The following MMD2 variants were observed in gnomAD, a reference collection of about 807,000 sequenced individuals.
MMD2 encodes the protein monocyte to macrophage differentiation associated 2, also known as monocyte to macrophage differentiation factor 2.
A neutral mutation model predicts 33.5 loss-of-function variants in MMD2; 30 were observed. That is an observed-to-expected ratio of 0.90 (90% CI 0.67 to 1.22). The LOEUF is 1.22. MMD2 is among the 50% of genes most tolerant of loss of function. The pLI is 0.00. For missense variants in MMD2, 364 were observed against 325.4 expected (o/e 1.12, Z -0.91); for synonymous variants, 129 against 123.0 (o/e 1.05, Z -0.32).
At chr7:4,917,912 A>T (rs1289345202) in intron 3 of MMD2, among the ~76,000 whole-genome samples, 1 of 152,126 alleles carries the variant, frequency 6.6e-6, no homozygotes, top group Non-Finnish European at 1.5e-5. Context: ...AACAAATAGG[A>T]CATTGCAGAA....
chr7:4,920,177 T>C lies in MMD2; in HGVS notation c.284A>G (p.His95Arg). 1 of 1,560,926 alleles carries C rather than the reference T, an allele frequency of 6.4e-7. No homozygotes were observed. Among genetic ancestry groups the C allele is most frequent in the Non-Finnish European group, 8.7e-7 (1 of 1,152,946 alleles). ...VFHTISWKKS[H>R]LRMVEHCLHM... is the part of the protein sequence containing the mutation. ...CCCTCTGGGCGGGAGGCACCTGAGG[T>C]GGCTCTTCTTCCAGGAGATGGTGTG... is the stretch of plus-strand genomic sequence containing the variant. The change falls in exon 3 of 7, where the codon CAC becomes CGC. Residue 95 changes from histidine (H) to arginine (R), a missense_variant. Physicochemically the swap from His to Arg is conservative, Grantham distance 29 (BLOSUM62 0). Coordinates refer to ENST00000401401, the MANE Select transcript of MMD2 (RefSeq NM_198403.4).
intron 3 of MMD2, among the ~76,000 whole-genome samples, chr7:4,918,992 G>C (rs747127863): frequency 4.6e-5 from 7 of 151,852 alleles, no homozygotes; most frequent in African/African-American, 7.3e-5. Context: ...CCAGCTACTC[G>C]GGAGGCTGAG....
rs1012550944 is a variant in MMD2, at chr7:4,959,112, C to T, written c.-95G>A. 2.1e-4 allele frequency: 222 copies of T among 1,057,004 alleles called. No homozygotes were observed. Among genetic ancestry groups the T allele is most frequent in the Non-Finnish European group, 2.6e-4 (215 of 825,432 alleles). The allele number at this position is 1,057,004 out of a possible 1,614,324, so 65.5% of individuals were successfully genotyped here. A position where few individuals can be genotyped will look rare whatever the true frequency, so the allele number is the denominator to read the frequency against. On this transcript the variant is annotated 5_prime_UTR_variant, in exon 1 of 7. Transcript: ENST00000401401. ...GCGGCGGCAGCAGCAGGTTGGAGGG[C>T]GCGCGGCGGGGGCCAAGGGGACCTG...
At chr7:4,896,406 G>C in the MMD2 span, among the ~76,000 whole-genome samples, 1 of 152,154 alleles carries the variant, frequency 6.6e-6, no homozygotes, top group Admixed American at 6.6e-5. Flanking sequence ...CTTAAACCTG[G>C]GAGGCAGAAG....
intron 1 of MMD2, among the ~76,000 whole-genome samples, chr7:4,945,554 C>T (rs1786051701): frequency 6.6e-6 from 1 of 151,506 alleles, no homozygotes; most frequent in Non-Finnish European, 1.5e-5. Flanking sequence ...GCATGAGCCG[C>T]CTCACCCAGC....
intron 1 of MMD2, among the ~76,000 whole-genome samples, chr7:4,945,185 T>TTTCTTCTTCTTCCTCTTCTTCTTC (rs1250418488): frequency 4.3e-5 from 4 of 93,540 alleles, no homozygotes; most frequent in South Asian, 5.2e-4. Flanking sequence ...CCTCTTCCTC[T>TTTCTTCTTCTTCCTCTTCTTCTTC]TTCTTCTTCT....
chr7:4,942,277 G>A (rs759372896), intron 1 of MMD2, among the ~76,000 whole-genome samples: 15 of 146,612 alleles, frequency 1.0e-4, no homozygotes, highest in Non-Finnish European at 1.0e-4. Flanking sequence ...TATTTTTTCT[G>A]TAGAGATGGG....
At chr7:4,937,937 C>T (rs1283320276) in intron 1 of MMD2, among the ~76,000 whole-genome samples, 5 of 150,670 alleles carry the variant, frequency 3.3e-5, no homozygotes. Flanking sequence ...GCATGAGCCA[C>T]ATCACCTGGT....
At chr7:4,924,421 C>A (rs114193810) in intron 2 of MMD2, among the ~76,000 whole-genome samples, 1,527 of 152,372 alleles carry the variant, frequency 0.01, 36 homozygotes, top group African/African-American at 0.035. Flanking sequence ...GGGCACTTCC[C>A]TGTGCCAGGT....
At chr7:4,914,747 A>T (rs1367401219) in intron 4 of MMD2, among the ~76,000 whole-genome samples, 1 of 152,146 alleles carries the variant, frequency 6.6e-6, no homozygotes, top group Non-Finnish European at 1.5e-5. Flanking sequence ...CCTGGCCAAC[A>T]TGGTGAAACC....
At chr7:4,904,680 G>C (rs980502400), downstream of MMD2, among the ~76,000 whole-genome samples, 10 of 152,168 alleles carry the variant, frequency 6.6e-5, no homozygotes, top group African/African-American at 2.2e-4. Context: ...GCATCTTCAA[G>C]CAGCCCATAA....
the MMD2 span, among the ~76,000 whole-genome samples, chr7:4,900,284 G>A: frequency 1.3e-5 from 2 of 152,056 alleles, no homozygotes; most frequent in African/African-American, 4.8e-5. Context: ...AAAGAAAACA[G>A]TAATTTCATC....
At chr7:4,901,981 T>A (rs1784800571), downstream of MMD2, among the ~76,000 whole-genome samples, 1 of 152,152 alleles carries the variant, frequency 6.6e-6, no homozygotes. Flanking sequence ...ACGTGGAATC[T>A]CGCTCTGTCA....
chr7:4,907,536 AG>A lies in MMD2; in HGVS notation c.600del (p.Phe201SerfsTer19), dbSNP rs775746211. ...GGGATCCTCCCGTCACTCTTGAAGA[AG>A]ACCATGCCCAGGCAGTAGAAGACCC... ...TGGVFYCLGMVFFKSDGRIPF... is the reference protein window; with the variant it reads ...TGGVFYCLGMXFFKSDGRIPF... On this transcript the variant is annotated frameshift_variant, in exon 7 of 7. Coordinates refer to ENST00000401401, the MANE Select transcript of MMD2 (RefSeq NM_198403.4). LOFTEE classifies it high-confidence loss of function. 3 of 1,613,736 alleles carry A rather than the reference AG, an allele frequency of 1.9e-6. No homozygotes were observed. The Admixed American group carries it at 5.0e-5, about 27-fold the overall frequency.
In MMD2 at chr7:4,921,977, C is replaced by T. The variant is rs140168918; in HGVS notation, c.130-1646G>A. Reference sequence around the variant, plus strand: ...CGGTGGCTCACACCTGTAATCCCAGCGCTTTGGGAGGCTGAGGCCAGGAGG... The same window carrying T: ...CGGTGGCTCACACCTGTAATCCCAGTGCTTTGGGAGGCTGAGGCCAGGAGG... On this transcript the variant is annotated intron_variant, in intron 2 of 6. Transcript: ENST00000401401. Among the ~76,000 whole-genome samples, 693 of 152,186 alleles carry T rather than the reference C, an allele frequency of 4.6e-3. 6 individuals are homozygous for T. The highest frequency in any genetic ancestry group is 0.015 in the African/African-American group (641 of 41,538).
At chr7:4,920,072 A>C in intron 3 of MMD2, 99 bp downstream of exon 3, 1 of 1,356,214 alleles carries the variant, frequency 7.4e-7, no homozygotes, top group South Asian at 1.4e-5. Flanking sequence ...GGAGAATGTC[A>C]CCAGGCAGAC....
downstream of MMD2, among the ~76,000 whole-genome samples, chr7:4,904,036 G>A (rs538646570): frequency 1.3e-5 from 2 of 152,106 alleles, no homozygotes; most frequent in South Asian, 2.1e-4. Flanking sequence ...GAGTTCAAGC[G>A]ATTCTCCTGC....
At position 4,946,351 on chromosome 7, in the gene MMD2, T is replaced by A. The variant is rs1448554494; in HGVS notation, c.47+12620A>T. On this transcript the variant is annotated intron_variant, in intron 1 of 6. Coordinates refer to ENST00000401401, the MANE Select transcript of MMD2 (RefSeq NM_198403.4). This position sits in a 1 kb window ranked among gnomAD's most constrained non-coding sequence, Gnocchi z 5.0. ...ACATGGACGGATCAATTTGTTTCCC[T>A]CTGCGGCCTTTCTCTGAAAGAAATG... 6.6e-6 allele frequency among the ~76,000 whole-genome samples: 1 copy of A among 152,232 alleles called. No homozygotes were observed. The highest frequency in any genetic ancestry group is 1.9e-4 in the East Asian group (1 of 5,204).
At chr7:4,901,821 C>A (rs1303961676), downstream of MMD2, among the ~76,000 whole-genome samples, 2 of 152,226 alleles carry the variant, frequency 1.3e-5, no homozygotes, top group African/African-American at 4.8e-5. Context: ...GTAGCATTTG[C>A]GACGACCAAT....
Sources: gnomAD v4.1 joint callset for allele counts (sites outside exome capture counted in the v4.1 genomes callset) on GRCh38, gnomAD v4.1.1 for gene constraint, Gnocchi (gnomAD v3.1) non-coding constraint, MANE v1.5 for transcripts, NCBI Gene and HGNC (gene_info 2026-07-23, HGNC 2026-07-21) for gene names.